SLC25A14: variants seen among roughly 807,000 people sequenced by gnomAD.
SLC25A14 encodes the protein brain mitochondrial carrier protein 1.
Under a neutral mutation model 28.1 loss-of-function variants are expected in SLC25A14, and 8 were observed. The observed-to-expected ratio is 0.28, with a 90% CI of 0.17 to 0.51. The LOEUF (loss-of-function observed/expected upper bound fraction) is 0.51, where lower values mean the gene tolerates loss of function less well. SLC25A14 is among the 20% of genes least tolerant of loss of function. The pLI is 0.97. For missense variants in SLC25A14, 135 were observed against 263.8 expected, an observed-to-expected ratio of 0.51 and a Z score of 3.38; for synonymous variants, 74 against 90.6, an observed-to-expected ratio of 0.82 and a Z score of 1.04.
chrX:130,365,340 A>G (rs764106060), intron 8 of SLC25A14: 23 of 993,279 alleles, frequency 2.3e-5, no homozygotes, highest in Non-Finnish European at 2.7e-5. Flanking sequence ...GCTGAGTTTC[A>G]GATTGAAAAT....
rs1349026135 is a variant in SLC25A14 at position 130,345,931 on chromosome X, G to A, written c.170-613G>A. Among the ~76,000 whole-genome samples, 59 of 111,144 alleles carry A rather than the reference G, an allele frequency of 5.3e-4. 2 individuals are homozygous for A. On this transcript the variant is annotated intron_variant, in intron 3 of 10. Coordinates refer to ENST00000545805, the MANE Select transcript of SLC25A14 (RefSeq NM_001282195.2). ...TCTGTTTGTTGATGTAAGAGGTTTG[G>A]TTAAAGAAATTTCCCCCCCAAACAC... is the stretch of plus-strand genomic sequence containing the variant.
At chrX:130,345,463 CA>C (rs2033403832) in intron 3 of SLC25A14, among the ~76,000 whole-genome samples, 188 bp downstream of exon 3, 1 of 111,524 alleles carries the variant, frequency 9.0e-6, no homozygotes, top group Admixed American at 9.5e-5. Context: ...TAAGAAAAGT[CA>C]AACTAAGGAA....
At chrX:130,345,342 T>C (rs368351904) in intron 3 of SLC25A14, 67 bp downstream of exon 3, 39 of 703,312 alleles carry the variant, frequency 5.5e-5, no homozygotes, top group African/African-American at 3.9e-4. Flanking sequence ...TGATGGTTAT[T>C]TTTGGTGAAA....
At chrX:130,348,791 CCCT>C (rs1407610868) in intron 4 of SLC25A14, among the ~76,000 whole-genome samples, 3 of 66,698 alleles carry the variant, frequency 4.5e-5, no homozygotes, top group African/African-American at 1.6e-4. Flanking sequence ...CCCCCCCCCC[CCCT>C]TTTTTTTTTT....
Position 130,364,723 on chromosome X carries a change from G to C in SLC25A14, c.690G>C (p.Met230Ile). Residue 230 changes from methionine (M) to isoleucine (I), a missense_variant, in exon 8 of 11, where the codon ATG becomes ATC. Coordinates refer to ENST00000545805, the MANE Select transcript of SLC25A14 (RefSeq NM_001282195.2). ...ITKKHLILSG[M>I]MGDTILTHFV... The stretch of plus-strand genomic sequence containing the variant: ...AGAAGCATTTAATATTGTCAGGAAT[G>C]ATGGGCGATACAATTTTAACTCACT... 8.3e-7 allele frequency: 1 copy of C among 1,203,541 alleles called. No individual in the cohort carries two copies. The highest frequency in any genetic ancestry group is 1.1e-6 in the Non-Finnish European group (1 of 888,811).
chrX:130,344,056 A>G, intron 2 of SLC25A14, among the ~76,000 whole-genome samples: 1 of 112,403 alleles, frequency 8.9e-6, no homozygotes, highest in African/African-American at 3.2e-5. Context: ...TCAGAAGTAT[A>G]CATACTGTGA....
At chrX:130,357,697 T>C (rs909255948) in intron 6 of SLC25A14, among the ~76,000 whole-genome samples, 3 of 112,105 alleles carry the variant, frequency 2.7e-5, no homozygotes, top group Non-Finnish European at 5.6e-5. Context: ...AATGGTAGCA[T>C]GGTGCTTCAT....
rs763425958 is a variant in SLC25A14 at position 130,364,750 on chromosome X, C to T, written c.717C>T (p.Phe239=). The T allele has an allele frequency of 2.9e-5, 35 of 1,201,555 alleles. No homozygotes were observed. The highest frequency in any genetic ancestry group is 3.6e-5 in the Non-Finnish European group (32 of 889,325). Reference sequence around the variant, plus strand: ...TGGGCGATACAATTTTAACTCACTTCGTGTAAGTAGGATGGGATGTGCTCA... The same window carrying T: ...TGGGCGATACAATTTTAACTCACTTTGTGTAAGTAGGATGGGATGTGCTCA... ...GMMGDTILTH[F]VSSFTCGLAG... The change falls in exon 8 of 11, where the codon TTC becomes TTT. Residue 239 remains phenylalanine, a splice_region_variant and synonymous_variant. Transcript: ENST00000545805.
At chrX:130,359,352 CAAAAAA>C (rs55826694) in intron 7 of SLC25A14, among the ~76,000 whole-genome samples, 1 of 26,235 alleles carries the variant, frequency 3.8e-5, no homozygotes, top group East Asian at 1.2e-3. Context: ...GACTCTGTCT[CAAAAAA>C]AAAAAAAAAA....
At chrX:130,365,271 G>A in intron 8 of SLC25A14, 4 of 908,213 alleles carry the variant, frequency 4.4e-6, no homozygotes, top group Non-Finnish European at 4.1e-6. Context: ...AATACATGGT[G>A]CATGATACTT....
Position 130,364,729 on chromosome X carries a change from C to T in SLC25A14, c.696C>T (p.Gly232=), listed in dbSNP as rs1014479811. 2.3e-5 allele frequency: 28 copies of T among 1,200,865 alleles called. No homozygotes were observed. Among genetic ancestry groups the T allele is most frequent in the Non-Finnish European group, 2.7e-5 (24 of 888,175 alleles). ...ATTTAATATTGTCAGGAATGATGGG[C>T]GATACAATTTTAACTCACTTCGTGT... ...KKHLILSGMM[G]DTILTHFVSS... Residue 232 remains glycine (G), a synonymous_variant, in exon 8 of 11, where the codon GGC becomes GGT. Coordinates refer to ENST00000545805, the MANE Select transcript of SLC25A14 (RefSeq NM_001282195.2).
chrX:130,372,652 C>T (rs911620338), intron 10 of SLC25A14, among the ~76,000 whole-genome samples: 15 of 109,279 alleles, frequency 1.4e-4, no homozygotes, highest in Non-Finnish European at 2.9e-4. Context: ...TTAGTAGAGA[C>T]AGGGTTTCAC....
At chrX:130,353,679 A>AT (rs1375368665) in intron 6 of SLC25A14, among the ~76,000 whole-genome samples, 1 of 111,460 alleles carries the variant, frequency 9.0e-6, no homozygotes, top group African/African-American at 3.3e-5. Context: ...ATCCTAAAAT[A>AT]TTTTCTTGAC....
At position 130,340,222 on chromosome X, in the gene SLC25A14, C is replaced by G; in HGVS notation, c.-57C>G. 8.3e-7 allele frequency: 1 copy of G among 1,207,461 alleles called. No homozygotes were observed. The highest frequency in any genetic ancestry group is 1.7e-5 in the African/African-American group (1 of 57,868). On this transcript the variant is annotated 5_prime_UTR_variant, in exon 2 of 11. Coordinates refer to ENST00000545805, the MANE Select transcript of SLC25A14 (RefSeq NM_001282195.2). ...CCTTCTTCAGGCGCCTCCCTTCTCT[C>G]CACGAGCTCGCTCTGACAGCTGAGG...
intron 7 of SLC25A14, among the ~76,000 whole-genome samples, 197 bp from the exon 8 acceptor site, chrX:130,364,431 A>G (rs1281573827): frequency 9.0e-6 from 1 of 110,600 alleles, no homozygotes; most frequent in Non-Finnish European, 1.9e-5. Context: ...TGTCATATCA[A>G]TTATTTTATT....
chrX:130,361,144 T>C (rs2033953097), intron 7 of SLC25A14, among the ~76,000 whole-genome samples: 1 of 112,691 alleles, frequency 8.9e-6, no homozygotes, highest in Admixed American at 9.4e-5. Flanking sequence ...AATATTCCAT[T>C]GTATGTATAT....
Position 130,372,963 on chromosome X carries a change from A to G in SLC25A14, c.*13A>G. 5 of 1,147,251 alleles carry G rather than the reference A, an allele frequency of 4.4e-6. No individual in the cohort carries two copies. Among genetic ancestry groups the G allele is most frequent in the Non-Finnish European group, 5.9e-6 (5 of 842,921 alleles). The allele number at this position is 1,147,251 out of a possible 1,213,427, so 94.5% of individuals were successfully genotyped here. A position where few individuals can be genotyped will look rare whatever the true frequency, so the allele number is the denominator to read the frequency against. ...GCTTCAAATCTAAGAACTGAATTAT[A>G]TGTGAGCCCAGCCCTGCCAGCCTTT... On this transcript the variant is annotated 3_prime_UTR_variant, in exon 11 of 11. Transcript: ENST00000545805.
intron 9 of SLC25A14, among the ~76,000 whole-genome samples, chrX:130,368,251 A>G (rs1034749842): frequency 4.4e-5 from 5 of 112,622 alleles, no homozygotes; most frequent in Non-Finnish European, 9.4e-5. Flanking sequence ...AAGGACTGCA[A>G]AGAGTCTGTT....
At chrX:130,358,462 C>A (rs16999661) in intron 6 of SLC25A14, among the ~76,000 whole-genome samples, 178 bp from the exon 7 acceptor site, 3,390 of 112,135 alleles carry the variant, frequency 0.03, 111 homozygotes, top group African/African-American at 0.1. Flanking sequence ...GACACAAATT[C>A]TTTTTCTATA....
Sources: allele counts gnomAD v4.1 joint callset (sites outside exome capture counted in the v4.1 genomes callset), GRCh38; gene constraint gnomAD v4.1.1; transcripts MANE v1.5; gene names NCBI Gene and HGNC (gene_info 2026-07-23, HGNC 2026-07-21).